STS: variants seen among roughly 807,000 people sequenced by gnomAD.
STS encodes the protein steroid sulfatase.
A neutral mutation model predicts 26.8 loss-of-function variants in STS; 7 were observed. The ratio of observed to expected loss-of-function variants is 0.26; its 90% CI spans 0.15 to 0.49. The LOEUF is 0.49. STS is among the 20% of genes least tolerant of loss of function. The probability of loss-of-function intolerance (pLI) is 0.98; values close to 1 mark genes in which losing one functional copy is unlikely to be tolerated. For missense variants in STS, 434 were observed against 465.6 expected, an observed-to-expected ratio of 0.93 and a Z score of 0.63; for synonymous variants, 199 against 189.4, an observed-to-expected ratio of 1.05 and a Z score of -0.42.
At chrX:7,316,573 A>G (rs1043192783) in intron 8 of STS, among the ~76,000 whole-genome samples, 2 of 112,182 alleles carry the variant, frequency 1.8e-5, no homozygotes, top group African/African-American at 6.5e-5. Flanking sequence ...AGTTGGATGT[A>G]TTGCTTGATG....
chrX:7,211,425 T>C (rs1316047212), intron 2 of STS, among the ~76,000 whole-genome samples: 2 of 111,783 alleles, frequency 1.8e-5, no homozygotes, highest in African/African-American at 6.5e-5. Context: ...TTCTTACTGC[T>C]GGAAGTCCTG....
At chrX:7,314,689 C>T (rs1450663613) in intron 8 of STS, among the ~76,000 whole-genome samples, 2 of 112,889 alleles carry the variant, frequency 1.8e-5, no homozygotes, top group African/African-American at 6.4e-5. Context: ...GAAAAAGTCA[C>T]ATGGACAGGC....
chrX:7,211,181 ATT>A (rs1369095380), intron 2 of STS, among the ~76,000 whole-genome samples: 4 of 111,686 alleles, frequency 3.6e-5, no homozygotes, highest in Admixed American at 2.9e-4. Flanking sequence ...ACTCCACTGT[ATT>A]CATTTTCTAT....
rs1928669611 is a variant in STS at position 7,349,315 on chromosome X, C to CTTTTTTTTTTTTTTTTTTTT, written c.1364-573_1364-572insTTTTTTTTTTTTTTTTTTTT. On this transcript the variant is annotated intron_variant, in intron 10 of 10. Coordinates refer to ENST00000674429, the MANE Select transcript of STS (RefSeq NM_001320752.2). ...CGCTGCACTCGGCCCTCATTTAATT[C>CTTTTTTTTTTTTTTTTTTTT]CTTTTTTTTTTTTTTTTTTTTTTTT... 2.0e-4 allele frequency among the ~76,000 whole-genome samples: 4 copies of CTTTTTTTTTTTTTTTTTTTT among 20,285 alleles called. 2 individuals are homozygous for CTTTTTTTTTTTTTTTTTTTT. Among genetic ancestry groups the CTTTTTTTTTTTTTTTTTTTT allele is most frequent in the African/African-American group, 7.0e-4 (4 of 5,711 alleles). The allele number at this position is 20,285 out of a possible 115,157, so 17.6% of individuals were successfully genotyped here.
chrX:7,160,167 C>T (rs1933213392), intron 1 of STS, among the ~76,000 whole-genome samples: 1 of 112,217 alleles, frequency 8.9e-6, no homozygotes, highest in Admixed American at 9.5e-5. Flanking sequence ...TGCACTGCTT[C>T]AAAGGAAGTC....
chrX:7,173,951 C>A (rs184306051), intron 1 of STS, among the ~76,000 whole-genome samples: 1 of 111,904 alleles, frequency 8.9e-6, no homozygotes, highest in East Asian at 2.8e-4. Context: ...AAATGACCAA[C>A]ATAGCTTGGC....
chrX:7,342,657 TC>T (rs1928347251), intron 10 of STS, among the ~76,000 whole-genome samples: 2 of 112,330 alleles, frequency 1.8e-5, no homozygotes, highest in Admixed American at 9.4e-5. Flanking sequence ...TTATCTACTG[TC>T]ATCGATTATA....
At chrX:7,310,457 A>G (rs12833258) in intron 8 of STS, among the ~76,000 whole-genome samples, 11 of 112,089 alleles carry the variant, frequency 9.8e-5, no homozygotes, top group African/African-American at 3.6e-4. Flanking sequence ...TCTTGAGAAG[A>G]CGCTTCATTC....
chrX:7,299,229 A>G (rs1437673133), intron 7 of STS, among the ~76,000 whole-genome samples: 1 of 94,816 alleles, frequency 1.1e-5, no homozygotes, highest in East Asian at 3.0e-4. Context: ...ATTTTATATA[A>G]TTATATATAA....
At chrX:7,328,803 C>T (rs909530310) in intron 9 of STS, among the ~76,000 whole-genome samples, 29 of 111,101 alleles carry the variant, frequency 2.6e-4, no homozygotes, top group Middle Eastern at 4.7e-3. Context: ...TCAGCTGATC[C>T]GCCTGCCTCA....
intron 1 of STS, among the ~76,000 whole-genome samples, chrX:7,183,554 A>G (rs1457486024): frequency 1.8e-5 from 2 of 112,506 alleles, no homozygotes; most frequent in African/African-American, 6.4e-5. Flanking sequence ...CCTAACGCAC[A>G]CAGAGTTTGT....
At chrX:7,261,427 A>C (rs1256220645) in intron 6 of STS, among the ~76,000 whole-genome samples, 1 of 112,483 alleles carries the variant, frequency 8.9e-6, no homozygotes, top group Non-Finnish European at 1.9e-5. Context: ...AAAACAAGCA[A>C]ATATGCTCAG....
intron 2 of STS, among the ~76,000 whole-genome samples, chrX:7,227,725 TAAG>T (rs1354095862): frequency 1.8e-5 from 2 of 111,934 alleles, no homozygotes; most frequent in African/African-American, 6.5e-5. Flanking sequence ...TTGATAGTGA[TAAG>T]AATACTATCA....
At chrX:7,283,355 G>A (rs1255938555) in intron 7 of STS, among the ~76,000 whole-genome samples, 2 of 111,857 alleles carry the variant, frequency 1.8e-5, no homozygotes, top group African/African-American at 3.2e-5. Context: ...GGAGCAAAGA[G>A]CATTTCAACG....
chrX:7,182,769 A>G (rs761728842), intron 1 of STS, among the ~76,000 whole-genome samples: 3 of 111,184 alleles, frequency 2.7e-5, no homozygotes, highest in Non-Finnish European at 5.7e-5. Flanking sequence ...GGAGACCTCC[A>G]TCAGTTCTTA....
intron 2 of STS, among the ~76,000 whole-genome samples, chrX:7,238,639 G>A (rs1922442677): frequency 9.0e-6 from 1 of 110,827 alleles, no homozygotes; most frequent in Admixed American, 9.6e-5. Flanking sequence ...GATAAACCTG[G>A]ACTACATAGC....
At chrX:7,272,530 C>G (rs1309346736) in intron 6 of STS, among the ~76,000 whole-genome samples, 4 of 111,810 alleles carry the variant, frequency 3.6e-5, no homozygotes, top group Non-Finnish European at 1.9e-5. Context: ...TAAACCACAT[C>G]CCTTCTAAGT....
intron 7 of STS, among the ~76,000 whole-genome samples, chrX:7,302,648 T>G (rs776187676): frequency 3.6e-5 from 4 of 111,889 alleles, no homozygotes; most frequent in Non-Finnish European, 5.6e-5. Context: ...AAAATATGCC[T>G]TGCCACAAAT....
intron 1 of STS, among the ~76,000 whole-genome samples, chrX:7,164,175 G>T (rs771362066): frequency 1.8e-5 from 2 of 111,443 alleles, no homozygotes; most frequent in African/African-American, 3.3e-5. Flanking sequence ...CCAAGACTTC[G>T]CTTGAGCTAT....
Sources: allele counts gnomAD v4.1 joint callset (sites outside exome capture counted in the v4.1 genomes callset), GRCh38; gene constraint gnomAD v4.1.1; transcripts MANE v1.5; gene names NCBI Gene and HGNC (gene_info 2026-07-23, HGNC 2026-07-21).